TAAR1: variants seen among roughly 807,000 people sequenced by gnomAD.
The protein encoded by TAAR1 is trace amine-associated receptor 1.
A neutral mutation model predicts 1.2 loss-of-function variants in TAAR1; 1 was observed. That is an observed-to-expected ratio of 0.81 (90% confidence interval 0.29 to 3.86). The LOEUF is 3.86. TAAR1 is among the 30% of genes most tolerant of loss of function. The pLI is 0.18. For missense variants in TAAR1, 445 were observed against 405.6 expected (o/e 1.10, Z -0.83); for synonymous variants, 153 against 132.2 (o/e 1.16, Z -1.08).
At chr6:132,654,027 T>C (rs1423686958) in intron 1 of TAAR1, among the ~76,000 whole-genome samples, 2 of 152,142 alleles carry the variant, frequency 1.3e-5, no homozygotes, top group African/African-American at 2.4e-5. Context: ...TCCTCAAATA[T>C]AGAAAATGTT....
At position 132,645,740 on chromosome 6, in the gene TAAR1, A is replaced by G. The variant is rs1777663487; in HGVS notation, c.264T>C (p.Cys88=). Residue 88 remains cysteine, a synonymous_variant, in exon 2 of 2, where the codon TGT becomes TGC. Transcript: ENST00000275216. ...PYSMVRSAEH[C]WYFGEVFCKI... ...TACAGAAGACTTCTCCAAAATACCAACAGTGCTCAGCAGATCTCACCATAC... is the reference window on the plus strand; with the variant it reads ...TACAGAAGACTTCTCCAAAATACCAGCAGTGCTCAGCAGATCTCACCATAC... 3 of 1,613,804 alleles carry G rather than the reference A, an allele frequency of 1.9e-6. No individual in the cohort carries two copies. Among genetic ancestry groups the G allele is most frequent in the Non-Finnish European group, 2.5e-6 (3 of 1,179,830 alleles).
chr6:132,644,887 T>TA lies in TAAR1; in HGVS notation c.*96dup, dbSNP rs1034718865. The TA allele has an allele frequency of 1.7e-4, 170 of 1,011,496 alleles. No individual in the cohort carries two copies. The highest frequency in any genetic ancestry group is 2.1e-4 in the Non-Finnish European group (148 of 714,238). 62.7% of individuals were successfully genotyped at this position (1,011,496 alleles called of 1,614,324 possible). A position where few individuals can be genotyped will look rare whatever the true frequency, so the allele number is the denominator to read the frequency against. ...CATACTTTGACTCAAGTAACTGATT[T>TA]AAAAAAAAATCCATGTGGTTGGTGC... is the stretch of plus-strand genomic sequence containing the variant. On this transcript the variant is annotated 3_prime_UTR_variant, in exon 2 of 2. Transcript: ENST00000275216.
intron 1 of TAAR1, among the ~76,000 whole-genome samples, chr6:132,653,634 T>A (rs1477384255): frequency 6.6e-6 from 1 of 152,230 alleles, no homozygotes; most frequent in Non-Finnish European, 1.5e-5. Flanking sequence ...CTTGCTTTGA[T>A]AATAAATAGT....
rs1297652345 is a variant in TAAR1 at position 132,645,633 on chromosome 6, G to A, written c.371C>T (p.Ala124Val). ...LSFISIDRYYAVCDPLRYKAK... is the reference protein window; with the variant it reads ...LSFISIDRYYVVCDPLRYKAK... ...TTTATATCTCAGTGGATCACACACAGCATAGTAGCGGTCAATGGAGATGAA... is the reference window on the plus strand; with the variant it reads ...TTTATATCTCAGTGGATCACACACAACATAGTAGCGGTCAATGGAGATGAA... The change falls in exon 2 of 2, where the codon GCT becomes GTT. Residue 124 changes from alanine (A) to valine (V), a missense_variant. By Grantham distance (64) the Ala-to-Val change is moderately conservative (BLOSUM62 0). Transcript: ENST00000275216. 3.1e-6 allele frequency: 5 copies of A among 1,613,478 alleles called. No homozygotes were observed. The highest frequency in any genetic ancestry group is 2.2e-5 in the East Asian group (1 of 44,842).
chr6:132,647,929 AT>A, intron 1 of TAAR1, among the ~76,000 whole-genome samples: 1 of 152,180 alleles, frequency 6.6e-6, no homozygotes, highest in Admixed American at 6.6e-5. Flanking sequence ...AATTTGGAAC[AT>A]TTTTCCCCTA....
intron 1 of TAAR1, among the ~76,000 whole-genome samples, chr6:132,658,138 AGC>A (rs1358216473): frequency 6.6e-6 from 1 of 152,200 alleles, no homozygotes; most frequent in African/African-American, 2.4e-5. Context: ...CTATACTTGT[AGC>A]TCTGTAATTC....
Position 132,645,983 on chromosome 6 carries a change from A to G in TAAR1, c.21T>C (p.Asn7=), listed in dbSNP as rs768076212. The change falls in exon 2 of 2, where the codon AAT becomes AAC. Residue 7 remains asparagine (N), a synonymous_variant. Transcript: ENST00000275216. ...TTTTCACACAGGAAATATTAATTAT[A>G]TTGTGGCAAAAGGGCATCATTCCTG... MMPFCH[N]IINISCVKNN... The G allele has an allele frequency of 1.3e-6, 2 of 1,599,798 alleles. No individual in the cohort carries two copies. The highest frequency in any genetic ancestry group is 1.7e-5 in the Admixed American group (1 of 59,262).
intron 1 of TAAR1, among the ~76,000 whole-genome samples, chr6:132,651,028 C>T (rs1341512136): frequency 6.6e-6 from 1 of 152,138 alleles, no homozygotes; most frequent in African/African-American, 2.4e-5. Context: ...AATACTCCAC[C>T]AAAACAGTTC....
rs77004036 is a variant in TAAR1 at position 132,645,698 on chromosome 6, G to C, written c.306C>G (p.Thr102=). Residue 102 remains threonine, a synonymous_variant, in exon 2 of 2, where the codon ACC becomes ACG. Coordinates refer to ENST00000275216, the MANE Select transcript of TAAR1 (RefSeq NM_138327.4). ...TGGAGGCTGAGCTCAGCATAATGTCGGTGCTTGTGTGAATTTTACAGAAGA... is the reference window on the plus strand; with the variant it reads ...TGGAGGCTGAGCTCAGCATAATGTCCGTGCTTGTGTGAATTTTACAGAAGA... ...GEVFCKIHTS[T]DIMLSSASIF... is the part of the protein sequence containing the mutation. 6.2e-7 allele frequency: 1 copy of C among 1,613,532 alleles called. No individual in the cohort carries two copies. Among genetic ancestry groups the C allele is most frequent in the Non-Finnish European group, 8.5e-7 (1 of 1,179,772 alleles).
rs1240776739 is a variant in TAAR1 at position 132,644,500 on chromosome 6, C to A, written c.*484G>T. Among the ~76,000 whole-genome samples the A allele has an allele frequency of 2.0e-5, 3 of 151,692 alleles. No homozygotes were observed. The highest frequency in any genetic ancestry group is 1.5e-5 in the Non-Finnish European group (1 of 67,874). ...ATTTAAGGATTGGAATATATATTAA[C>A]AATACAAATAAATTATGTGTCAACA... On this transcript the variant is annotated 3_prime_UTR_variant, in exon 2 of 2. Transcript: ENST00000275216.
At chr6:132,649,490 T>C (rs1243101473) in intron 1 of TAAR1, among the ~76,000 whole-genome samples, 1 of 152,168 alleles carries the variant, frequency 6.6e-6, no homozygotes, top group African/African-American at 2.4e-5. Context: ...TCTGTATTAG[T>C]CCATTCTCAC....
intron 1 of TAAR1, among the ~76,000 whole-genome samples, chr6:132,658,507 G>A (rs1452691262): frequency 6.6e-6 from 1 of 152,058 alleles, no homozygotes; most frequent in Non-Finnish European, 1.5e-5. Context: ...TCTAATATAT[G>A]GCAGGTATAC....
In TAAR1 at chr6:132,651,615, C is replaced by T. The variant is rs1030676537; in HGVS notation, c.-126-5486G>A. The stretch of plus-strand genomic sequence containing the variant: ...AGTTATCTAGAATCAGATCATTTCT[C>T]CTCATTTCTACTACTATCACCATCC... On this transcript the variant is annotated intron_variant, in intron 1 of 1. Coordinates refer to ENST00000275216, the MANE Select transcript of TAAR1 (RefSeq NM_138327.4). Among the ~76,000 whole-genome samples the T allele has an allele frequency of 3.3e-5, 5 of 152,124 alleles. No individual in the cohort carries two copies. In the South Asian group the frequency reaches 6.2e-4, roughly 19 times the overall value.
Position 132,643,998 on chromosome 6 carries a change from C to T in TAAR1, c.*986G>A, listed in dbSNP as rs1777630361. ...ATACCAGGTAGCCTGTGTTTTGAAC[C>T]CTATCATGCCAGATATGACCTTAAG... On this transcript the variant is annotated 3_prime_UTR_variant, in exon 2 of 2. Coordinates refer to ENST00000275216, the MANE Select transcript of TAAR1 (RefSeq NM_138327.4). 6.6e-6 allele frequency among the ~76,000 whole-genome samples: 1 copy of T among 151,828 alleles called. No homozygotes were observed. The highest frequency in any genetic ancestry group is 1.5e-5 in the Non-Finnish European group (1 of 67,914).
At chr6:132,656,813 A>G (rs934768839) in intron 1 of TAAR1, among the ~76,000 whole-genome samples, 19 of 152,192 alleles carry the variant, frequency 1.2e-4, no homozygotes, top group Admixed American at 1.2e-3. Context: ...TTATGAGGGA[A>G]ATAGGATGAC....
intron 1 of TAAR1, among the ~76,000 whole-genome samples, chr6:132,652,182 G>A (rs1431697499): frequency 6.6e-6 from 1 of 151,952 alleles, no homozygotes; most frequent in East Asian, 1.9e-4. Flanking sequence ...TTCCATTGGT[G>A]TTCAGAGGAG....
Position 132,645,779 on chromosome 6 carries a change from C to T in TAAR1, c.225G>A (p.Leu75=). The stretch of plus-strand genomic sequence containing the variant: ...ATCTCACCATACTGTAAGGCATGAC[C>T]AGACACCCCAGAAGAAAGTCCACAG... ...MATVDFLLGC[L]VMPYSMVRSA... is the part of the protein sequence containing the mutation. The change falls in exon 2 of 2, where the codon CTG becomes CTA. Residue 75 remains leucine (L), a synonymous_variant. Coordinates refer to ENST00000275216, the MANE Select transcript of TAAR1 (RefSeq NM_138327.4). 1.2e-6 allele frequency: 2 copies of T among 1,613,672 alleles called. No individual in the cohort carries two copies. Among genetic ancestry groups the T allele is most frequent in the Non-Finnish European group, 1.7e-6 (2 of 1,179,804 alleles).
intron 1 of TAAR1, among the ~76,000 whole-genome samples, chr6:132,649,903 C>T (rs148996802): frequency 6.9e-6 from 1 of 145,698 alleles, no homozygotes; most frequent in South Asian, 2.4e-4. Context: ...TCTCTCTGTA[C>T]TTCTTGAAGA....
chr6:132,654,902 A>T (rs1039471427), intron 1 of TAAR1, among the ~76,000 whole-genome samples: 8 of 152,218 alleles, frequency 5.3e-5, no homozygotes, highest in Non-Finnish European at 7.3e-5. Flanking sequence ...ATACATTTTT[A>T]AAAAATCAAG....
Sources: gnomAD v4.1 joint callset for allele counts (sites outside exome capture counted in the v4.1 genomes callset) on GRCh38, gnomAD v4.1.1 for gene constraint, MANE v1.5 for transcripts, NCBI Gene and HGNC (gene_info 2026-07-23, HGNC 2026-07-21) for gene names.